Variants in CDKN2B-AS1 observed in about 807,000 individuals in gnomAD.
CDKN2B-AS1 encodes the protein CDKN2B and CDKN2A antisense cis and trans regulatory RNA 1, also known as CDKN2B antisense RNA 1 (non-protein coding).
At position 22,034,922 on chromosome 9, in the gene CDKN2B-AS1, T is replaced by G. The variant is rs1407240369; in HGVS notation, n.30-11829T>G. Among the ~76,000 whole-genome samples, 5 of 152,310 alleles carry G rather than the reference T, an allele frequency of 3.3e-5. No individual in the cohort carries two copies. The East Asian group carries it at 9.6e-4, about 29-fold the overall frequency. ...TAGTGAAAGGAGTTCAACTAGAGTT[T>G]GATTATGGCTGTGCCATTCTAGTTG... is the stretch of plus-strand genomic sequence containing the variant. On this transcript the variant is annotated intron_variant and non_coding_transcript_variant, in intron 1 of 4. Coordinates refer to ENST00000650946, the Ensembl canonical transcript of CDKN2B-AS1.
At chr9:22,017,333 G>GA (rs139752189) in intron 1 of CDKN2B-AS1, among the ~76,000 whole-genome samples, 1 of 151,934 alleles carries the variant, frequency 6.6e-6, no homozygotes, top group African/African-American at 2.4e-5. Flanking sequence ...GGCTGAAGCA[G>GA]AAAAAAATAA....
intron 4 of CDKN2B-AS1, among the ~76,000 whole-genome samples, chr9:22,074,499 A>G (rs1824418463): frequency 1.3e-5 from 2 of 152,316 alleles, no homozygotes; most frequent in South Asian, 4.2e-4. Context: ...TAACACATTT[A>G]CATAAATATA....
intron 1 of CDKN2B-AS1, among the ~76,000 whole-genome samples, chr9:22,020,043 G>T (rs1408590780): frequency 1.3e-5 from 2 of 151,914 alleles, no homozygotes; most frequent in African/African-American, 2.4e-5. Flanking sequence ...CTTCTGATAG[G>T]CCCCGGTGTG....
intron 4 of CDKN2B-AS1, among the ~76,000 whole-genome samples, chr9:22,106,673 T>A (rs193238757): frequency 1.3e-3 from 194 of 152,288 alleles, no homozygotes; most frequent in African/African-American, 4.5e-3. Flanking sequence ...GCTGTGATTA[T>A]TGATGAACCA....
At chr9:22,083,560 A>G (rs577789359) in intron 4 of CDKN2B-AS1, among the ~76,000 whole-genome samples, 4 of 152,342 alleles carry the variant, frequency 2.6e-5, no homozygotes, top group African/African-American at 9.6e-5. Context: ...GAATATTCTG[A>G]ATCAGAATCT....
At chr9:22,025,770 G>A (rs1386776015) in intron 1 of CDKN2B-AS1, among the ~76,000 whole-genome samples, 2 of 152,156 alleles carry the variant, frequency 1.3e-5, no homozygotes, top group East Asian at 1.9e-4. Context: ...GGCTGAAGAC[G>A]CTAGTTGGGA....
At chr9:22,008,467 T>C (rs918197609) in intron 1 of CDKN2B-AS1, among the ~76,000 whole-genome samples, 8 of 152,218 alleles carry the variant, frequency 5.3e-5, no homozygotes, top group Admixed American at 2.0e-4. Flanking sequence ...CTTATCTTTA[T>C]CGTTGAAAGC....
intron 4 of CDKN2B-AS1, among the ~76,000 whole-genome samples, chr9:22,097,890 C>G (rs2131351122): frequency 6.6e-6 from 1 of 152,288 alleles, no homozygotes; most frequent in South Asian, 2.1e-4. Flanking sequence ...CTTGGTTTTT[C>G]ACTGTTCTAG....
intron 1 of CDKN2B-AS1, among the ~76,000 whole-genome samples, chr9:22,015,072 G>T (rs1050556299): frequency 6.6e-6 from 1 of 151,806 alleles, no homozygotes; most frequent in East Asian, 1.9e-4. Flanking sequence ...ATAAACATAC[G>T]TGTGCATGTG....
At chr9:22,009,169 C>T (rs894498427) in intron 1 of CDKN2B-AS1, 1 of 665,022 alleles carries the variant, frequency 1.5e-6, no homozygotes, top group Non-Finnish European at 2.6e-6. Context: ...TCCTGGCGCT[C>T]AAGAACCAGC....
Position 22,005,420 on chromosome 9 carries a change from C to T in CDKN2B-AS1, n.29+10259C>T, listed in dbSNP as rs984392072. ...TCGTTTACGCATGTGACTTGCCATG[C>T]GCTCAAACTAAAGCGCCGCCGGGGA... On this transcript the variant is annotated intron_variant and non_coding_transcript_variant, in intron 1 of 4. Coordinates refer to ENST00000650946, the Ensembl canonical transcript of CDKN2B-AS1. The surrounding 1 kb of genome is among the most constrained non-coding windows in gnomAD (Gnocchi z 4.9). 2 of 246,514 alleles carry T rather than the reference C, an allele frequency of 8.1e-6. 1 individual carries two copies. The highest frequency in any genetic ancestry group is 3.0e-4 in the South Asian group (2 of 6,678). The allele number at this position is 246,514 out of a possible 1,614,324, so 15.3% of individuals were successfully genotyped here. A position where few individuals can be genotyped will look rare whatever the true frequency, so the allele number is the denominator to read the frequency against.
At chr9:22,089,116 T>G (rs1824970567) in intron 4 of CDKN2B-AS1, among the ~76,000 whole-genome samples, 2 of 152,202 alleles carry the variant, frequency 1.3e-5, no homozygotes, top group South Asian at 4.1e-4. Context: ...CCAAATAATT[T>G]TTCCTTTAAA....
chr9:22,010,757 T>C (rs1469854043), intron 1 of CDKN2B-AS1, among the ~76,000 whole-genome samples: 1 of 152,214 alleles, frequency 6.6e-6, no homozygotes, highest in Non-Finnish European at 1.5e-5. Context: ...CTTCAGTTTC[T>C]TAATTTCTCT....
At chr9:22,047,760 G>A (rs1242370748) in intron 2 of CDKN2B-AS1, among the ~76,000 whole-genome samples, 1 of 151,678 alleles carries the variant, frequency 6.6e-6, no homozygotes. Context: ...GCTGTGGTTA[G>A]ACACTGTTGA....
At chr9:22,026,624 C>T (rs978385371) in intron 1 of CDKN2B-AS1, among the ~76,000 whole-genome samples, 27 of 152,232 alleles carry the variant, frequency 1.8e-4, no homozygotes, top group African/African-American at 6.3e-4. Flanking sequence ...TAGACCTTCT[C>T]TGCTGATCTC....
chr9:22,013,251 T>TG (rs1303183487), intron 1 of CDKN2B-AS1, among the ~76,000 whole-genome samples: 1 of 152,238 alleles, frequency 6.6e-6, no homozygotes, highest in Non-Finnish European at 1.5e-5. Context: ...TGTGAGGTAT[T>TG]GGGCTTAGGA....
chr9:22,105,659 G>A (rs905934925), intron 4 of CDKN2B-AS1, among the ~76,000 whole-genome samples: 2 of 152,272 alleles, frequency 1.3e-5, no homozygotes, highest in African/African-American at 4.8e-5. Flanking sequence ...CTTGTGTTGA[G>A]GTGGTTATAA....
intron 4 of CDKN2B-AS1, among the ~76,000 whole-genome samples, chr9:22,076,393 C>T (rs1457068655): frequency 6.6e-6 from 1 of 152,022 alleles, no homozygotes; most frequent in African/African-American, 2.4e-5. Flanking sequence ...AATATAATCT[C>T]TCAAAATAGC....
chr9:22,074,470 C>T (rs1169909096), intron 4 of CDKN2B-AS1, among the ~76,000 whole-genome samples: 1 of 152,172 alleles, frequency 6.6e-6, no homozygotes, highest in Non-Finnish European at 1.5e-5. Flanking sequence ...AGAGATGCAT[C>T]TGGTCACTCT....
Sources: allele counts gnomAD v4.1 joint callset (sites outside exome capture counted in the v4.1 genomes callset), GRCh38; gene constraint gnomAD v4.1.1; non-coding constraint Gnocchi (gnomAD v3.1); transcripts MANE v1.5; gene names NCBI Gene and HGNC (gene_info 2026-07-23, HGNC 2026-07-21).